Variants in CWC27 observed in about 807,000 individuals in gnomAD.
CWC27 encodes the protein spliceosome-associated protein CWC27 homolog.
In CWC27, 47 loss-of-function variants were observed where a neutral mutation model predicts 63.6. The ratio of observed to expected loss-of-function variants is 0.74; its 90% CI spans 0.58 to 0.94. CWC27 has a LOEUF of 0.94. CWC27 is among the 40% of genes least tolerant of loss of function. The pLI, the probability that CWC27 is intolerant of heterozygous loss-of-function variation, is 0.00. For synonymous variants in CWC27, 175 were observed against 179.8 expected, an observed-to-expected ratio of 0.97 and a Z score of 0.22; for missense variants, 495 against 554.3, an observed-to-expected ratio of 0.89 and a Z score of 1.07.
At chr5:64,950,604 G>A (rs1383927801) in intron 11 of CWC27, among the ~76,000 whole-genome samples, 2 of 151,926 alleles carry the variant, frequency 1.3e-5, no homozygotes, top group African/African-American at 4.8e-5. Context: ...ATAAGGCAAG[G>A]TGTGGTATCT....
intron 11 of CWC27, among the ~76,000 whole-genome samples, chr5:64,927,516 C>T (rs893011429): frequency 1.3e-5 from 2 of 152,180 alleles, no homozygotes; most frequent in Admixed American, 1.3e-4. Context: ...TTTCCCCACA[C>T]ATTTCTCCAG....
At chr5:64,971,875 TA>T in intron 12 of CWC27, 63 bp downstream of exon 12, 1 of 996,098 alleles carries the variant, frequency 1.0e-6, no homozygotes, top group Non-Finnish European at 1.5e-6. Flanking sequence ...TAAGTGTTTC[TA>T]AATGGAGCCT....
At chr5:64,820,947 T>C (rs552351505) in intron 10 of CWC27, among the ~76,000 whole-genome samples, 1 of 151,558 alleles carries the variant, frequency 6.6e-6, no homozygotes, top group South Asian at 2.1e-4. Context: ...CCTTTGGTTC[T>C]GTGATAGATG....
chr5:64,817,859 T>C lies in CWC27; in HGVS notation c.938+13473T>C, dbSNP rs199667452. Among the ~76,000 whole-genome samples, 4 of 152,256 alleles carry C rather than the reference T, an allele frequency of 2.6e-5. No homozygotes were observed. The East Asian group carries it at 7.7e-4, about 29-fold the overall frequency. On this transcript the variant is annotated intron_variant, in intron 10 of 13. Coordinates refer to ENST00000381070, the MANE Select transcript of CWC27 (RefSeq NM_005869.4). ...ATGCACCTATGTGAGTGTTAAGCCT[T>C]CAGTAGGATTTCCATTTTTATTTTG...
chr5:64,895,616 AG>A (rs1747352642), intron 11 of CWC27, among the ~76,000 whole-genome samples: 1 of 152,198 alleles, frequency 6.6e-6, no homozygotes, highest in Admixed American at 6.5e-5. Context: ...ACCAAAAGCT[AG>A]TAGAAACATC....
chr5:65,008,957 C>T (rs917444914), intron 13 of CWC27, among the ~76,000 whole-genome samples: 2 of 151,762 alleles, frequency 1.3e-5, no homozygotes, highest in Admixed American at 1.3e-4. Flanking sequence ...TGTCTATGCC[C>T]ATTTATATTT....
At chr5:65,003,715 T>C (rs1007278170) in intron 13 of CWC27, among the ~76,000 whole-genome samples, 1 of 152,196 alleles carries the variant, frequency 6.6e-6, no homozygotes, top group Non-Finnish European at 1.5e-5. Context: ...GCATTTTGAC[T>C]GTATCATCCC....
chr5:64,940,260 T>TC (rs896780238), intron 11 of CWC27, among the ~76,000 whole-genome samples: 11 of 152,042 alleles, frequency 7.2e-5, no homozygotes, highest in Non-Finnish European at 1.5e-4. Context: ...CCAGAGGGAA[T>TC]CCCCTGGTCT....
intron 12 of CWC27, among the ~76,000 whole-genome samples, chr5:64,974,355 G>T (rs772124065): frequency 2.0e-5 from 3 of 152,138 alleles, no homozygotes; most frequent in South Asian, 2.1e-4. Flanking sequence ...TTGACTTATA[G>T]TTCCACCTGG....
intron 11 of CWC27, among the ~76,000 whole-genome samples, chr5:64,888,071 A>C (rs751399523): frequency 3.1e-4 from 47 of 152,048 alleles, no homozygotes; most frequent in Non-Finnish European, 4.0e-4. Flanking sequence ...GAGTAACCAC[A>C]GCTCCTCAAA....
intron 11 of CWC27, among the ~76,000 whole-genome samples, chr5:64,922,964 C>T (rs556704146): frequency 3.9e-5 from 6 of 152,138 alleles, no homozygotes; most frequent in Admixed American, 1.3e-4. Context: ...TTTGCCCTCT[C>T]ATCTCTCAAG....
rs1354548386 is a variant in CWC27, at chr5:64,885,441, A to C, written c.939-2A>C. 1 of 1,597,364 alleles carries C rather than the reference A, an allele frequency of 6.3e-7. No individual in the cohort carries two copies. The highest frequency in any genetic ancestry group is 8.5e-7 in the Non-Finnish European group (1 of 1,171,206). ...ACTTATATAACTCTTTTTGCTTTAT[A>C]GTGAAGAGCTCAGAAAAGAAGCAAG... On this transcript the variant is annotated splice_acceptor_variant, in intron 10 of 13. Coordinates refer to ENST00000381070, the MANE Select transcript of CWC27 (RefSeq NM_005869.4). LOFTEE classifies it high-confidence loss of function.
Position 64,781,967 on chromosome 5 carries a change from A to C in CWC27, c.186A>C (p.Ile62=), listed in dbSNP as rs780026780. ...TIFHRVVPGF[I]VQGGDPTGTG... ...TTCATAGAGTTGTGCCTGGTTTCAT[A>C]GTCCAAGGCGGAGATCCTACTGGCA... is the stretch of plus-strand genomic sequence containing the variant. The change falls in exon 3 of 14, where the codon ATA becomes ATC. Residue 62 remains isoleucine, a synonymous_variant. Transcript: ENST00000381070. 6.2e-7 allele frequency: 1 copy of C among 1,603,434 alleles called. No homozygotes were observed. The highest frequency in any genetic ancestry group is 8.5e-7 in the Non-Finnish European group (1 of 1,172,942).
At position 64,833,336 on chromosome 5, in the gene CWC27, T is replaced by C. The variant is rs1745578687; in HGVS notation, c.938+28950T>C. ...GATACAGTTCTTTCTGTATTTTGTT[T>C]ATACTATTTTAGGTTGTAAAGCACC... On this transcript the variant is annotated intron_variant, in intron 10 of 13. Transcript: ENST00000381070. Among the ~76,000 whole-genome samples, 4 of 151,924 alleles carry C rather than the reference T, an allele frequency of 2.6e-5. No homozygotes were observed. In the South Asian group the frequency reaches 8.3e-4, roughly 31 times the overall value.
chr5:64,800,403 A>C (rs901054578), intron 8 of CWC27, 76 bp downstream of exon 8: 5 of 1,091,188 alleles, frequency 4.6e-6, no homozygotes, highest in Non-Finnish European at 6.8e-6. Context: ...TCTGTGAGTA[A>C]ACAGTCAGTC....
intron 6 of CWC27, 33 bp downstream of exon 6, chr5:64,786,660 G>GA: frequency 7.9e-7 from 1 of 1,272,184 alleles, no homozygotes; most frequent in Non-Finnish European, 1.1e-6. Flanking sequence ...TCTTCAGCTT[G>GA]AAAAATGACA....
At chr5:64,941,429 T>C (rs1220254701) in intron 11 of CWC27, among the ~76,000 whole-genome samples, 1 of 152,038 alleles carries the variant, frequency 6.6e-6, no homozygotes, top group African/African-American at 2.4e-5. Flanking sequence ...TCTTTGCTAC[T>C]TTTTTTATTC....
At chr5:64,837,971 A>AT (rs1400278546) in intron 10 of CWC27, among the ~76,000 whole-genome samples, 3 of 152,084 alleles carry the variant, frequency 2.0e-5, no homozygotes, top group Non-Finnish European at 4.4e-5. Flanking sequence ...TTTCCTAGAG[A>AT]TTTTTAGATG....
chr5:64,916,574 A>C (rs1283620396), intron 11 of CWC27, among the ~76,000 whole-genome samples: 1 of 152,120 alleles, frequency 6.6e-6, no homozygotes, highest in African/African-American at 2.4e-5. Flanking sequence ...CTCTTCTACT[A>C]GTTCTGGGTT....
Sources: gnomAD v4.1 joint callset for allele counts (sites outside exome capture counted in the v4.1 genomes callset) on GRCh38, gnomAD v4.1.1 for gene constraint, MANE v1.5 for transcripts, NCBI Gene and HGNC (gene_info 2026-07-23, HGNC 2026-07-21) for gene names.